FNBP4: variants seen among roughly 807,000 people sequenced by gnomAD.
The protein encoded by FNBP4 is formin binding protein 4, also known as formin-binding protein 4.
A neutral mutation model predicts 119.3 loss-of-function variants in FNBP4; 34 were observed. That is an observed-to-expected ratio of 0.28 (90% CI 0.22 to 0.38). The LOEUF is 0.38. FNBP4 is among the 10% of genes least tolerant of loss of function. FNBP4 has a pLI of 1.00. For missense variants in FNBP4, 1,112 were observed against 1,228.9 expected, an observed-to-expected ratio of 0.90 and a Z score of 1.42; for synonymous variants, 462 against 430.6, an observed-to-expected ratio of 1.07 and a Z score of -0.90.
intron 6 of FNBP4, among the ~76,000 whole-genome samples, chr11:47,748,270 AAAAAT>A (rs939568020): frequency 2.5e-4 from 38 of 151,630 alleles, no homozygotes; most frequent in African/African-American, 7.0e-4. Flanking sequence ...AATAAAAAAT[AAAAAT>A]AAAATAAAAT....
At chr11:47,722,352 G>C (rs1384325974) in intron 15 of FNBP4, among the ~76,000 whole-genome samples, 1 of 151,422 alleles carries the variant, frequency 6.6e-6, no homozygotes, top group Admixed American at 6.6e-5. Flanking sequence ...AGGTTCAAGC[G>C]ACTCTCCCGC....
At chr11:47,742,588 C>A (rs928849120) in intron 8 of FNBP4, among the ~76,000 whole-genome samples, 2 of 147,882 alleles carry the variant, frequency 1.4e-5, no homozygotes, top group Non-Finnish European at 3.0e-5. Context: ...GAACTGCCAA[C>A]TGAAAAGAAA....
chr11:47,759,267 A>C (rs1479918108), intron 2 of FNBP4, among the ~76,000 whole-genome samples: 6 of 151,192 alleles, frequency 4.0e-5, no homozygotes, highest in Non-Finnish European at 8.8e-5. Context: ...GCTGGAGTGC[A>C]ATGGTGCAGT....
intron 12 of FNBP4, chr11:47,730,213 C>G (rs2097565822): frequency 8.1e-6 from 8 of 985,122 alleles, no homozygotes; most frequent in Non-Finnish European, 9.6e-6. Context: ...CAAAAAGAAC[C>G]AATATATTAT....
Position 47,731,423 on chromosome 11 carries a change from G to A in FNBP4, c.1959C>T (p.Asp653=). ...TTGAATTTGAATCAGTGCCAGTTTT[G>A]TCTTTCAAGGTCTGTTTGGCAAGAG... ...DETLAKQTLK[D]KTGTDSNSTE... Residue 653 remains aspartate (D), a synonymous_variant, in exon 12 of 17, where the codon GAC becomes GAT. Transcript: ENST00000263773. 6.2e-7 allele frequency: 1 copy of A among 1,613,724 alleles called. No homozygotes were observed. The highest frequency in any genetic ancestry group is 8.5e-7 in the Non-Finnish European group (1 of 1,179,880).
intron 2 of FNBP4, among the ~76,000 whole-genome samples, chr11:47,757,845 T>C (rs1169736504): frequency 7.1e-6 from 1 of 141,322 alleles, no homozygotes; most frequent in Admixed American, 7.1e-5. Flanking sequence ...ATGTAAGAGA[T>C]ACGGTCTTGC....
At chr11:47,724,828 G>A (rs1301681271) in intron 12 of FNBP4, 50 bp from the exon 13 acceptor site, 1 of 1,515,224 alleles carries the variant, frequency 6.6e-7, no homozygotes, top group Non-Finnish European at 8.8e-7. Flanking sequence ...AAACTCCCTG[G>A]CTTATATTCA....
rs867558119 is a variant in FNBP4 at position 47,750,846 on chromosome 11, C to T, written c.906+70G>A. Reference sequence around the variant, plus strand: ...GACATAAAATATTAAGAGAAGGCTTCCACTCCTGTGCTCAGAGTAACGCTT... The same window carrying T: ...GACATAAAATATTAAGAGAAGGCTTTCACTCCTGTGCTCAGAGTAACGCTT... On this transcript the variant is annotated intron_variant, in intron 6 of 16. Coordinates refer to ENST00000263773, the MANE Select transcript of FNBP4 (RefSeq NM_015308.5). 2.7e-5 allele frequency: 41 copies of T among 1,498,934 alleles called. No homozygotes were observed. The African/African-American group carries it at 4.6e-4, about 17-fold the overall frequency. The allele number at this position is 1,498,934 out of a possible 1,614,324, so 92.9% of individuals were successfully genotyped here. A position where few individuals can be genotyped will look rare whatever the true frequency, so the allele number is the denominator to read the frequency against.
intron 8 of FNBP4, among the ~76,000 whole-genome samples, chr11:47,741,876 T>C (rs911384956): frequency 5.9e-5 from 9 of 152,134 alleles, no homozygotes; most frequent in Non-Finnish European, 1.0e-4. Flanking sequence ...TAATGGACAT[T>C]TGAGTGCTCT....
At chr11:47,734,987 C>G (rs1032018482) in intron 9 of FNBP4, among the ~76,000 whole-genome samples, 8 of 112,350 alleles carry the variant, frequency 7.1e-5, no homozygotes, top group Non-Finnish European at 1.0e-4. Flanking sequence ...CACCCCCCCC[C>G]CCAAAAAAAA....
chr11:47,739,003 CT>C (rs945928037), intron 8 of FNBP4, among the ~76,000 whole-genome samples: 105 of 143,032 alleles, frequency 7.3e-4, no homozygotes, highest in South Asian at 9.0e-4. Context: ...CGGCGCCTGG[CT>C]TTTTTTTTTT....
intron 1 of FNBP4, among the ~76,000 whole-genome samples, chr11:47,766,510 G>A (rs1241881358): frequency 6.6e-6 from 1 of 152,180 alleles, no homozygotes. Flanking sequence ...CCGGCGCCTA[G>A]TCCTGGAGTC....
chr11:47,717,980 C>T (rs1173164196), intron 16 of FNBP4, among the ~76,000 whole-genome samples: 2 of 151,810 alleles, frequency 1.3e-5, no homozygotes, highest in African/African-American at 4.8e-5. Context: ...GTCTCGAACT[C>T]CCAACCTCAG....
At chr11:47,755,038 G>A (rs1347550299) in intron 2 of FNBP4, among the ~76,000 whole-genome samples, 1 of 151,840 alleles carries the variant, frequency 6.6e-6, no homozygotes, top group East Asian at 1.9e-4. Flanking sequence ...AGCTAGTGAG[G>A]CAGGAGAAGT....
intron 15 of FNBP4, among the ~76,000 whole-genome samples, chr11:47,720,901 G>A (rs762085451): frequency 4.6e-5 from 7 of 151,106 alleles, no homozygotes; most frequent in Non-Finnish European, 7.4e-5. Flanking sequence ...CAGGAGAATC[G>A]CTTCAACCCG....
chr11:47,750,851 C>T lies in FNBP4; in HGVS notation c.906+65G>A, dbSNP rs921664335. 1.0e-5 allele frequency: 16 copies of T among 1,546,364 alleles called. No homozygotes were observed. The East Asian group carries it at 2.9e-4, about 28-fold the overall frequency. On this transcript the variant is annotated intron_variant, in intron 6 of 16. Coordinates refer to ENST00000263773, the MANE Select transcript of FNBP4 (RefSeq NM_015308.5). The stretch of plus-strand genomic sequence containing the variant: ...AAAATATTAAGAGAAGGCTTCCACT[C>T]CTGTGCTCAGAGTAACGCTTATTAG...
rs770650464 is a variant in FNBP4, at chr11:47,767,154, G to T, written c.135C>A (p.Val45=). The T allele has an allele frequency of 3.2e-6, 5 of 1,546,792 alleles. No individual in the cohort carries two copies. Among genetic ancestry groups the T allele is most frequent in the South Asian group, 1.2e-5 (1 of 84,490 alleles). ...CCGCCGACGGGGCGGGCTGGCTGGGGACCGCCGCGGTTGAGTCCGGCTCAG... is the reference window on the plus strand; with the variant it reads ...CCGCCGACGGGGCGGGCTGGCTGGGTACCGCCGCGGTTGAGTCCGGCTCAG... ...PDTEPDSTAA[V]PSQPAPSAAT... The change falls in exon 1 of 17, where the codon GTC becomes GTA. Residue 45 remains valine, a synonymous_variant. Coordinates refer to ENST00000263773, the MANE Select transcript of FNBP4 (RefSeq NM_015308.5).
At position 47,752,985 on chromosome 11, in the gene FNBP4, T is replaced by A. The variant is rs1554986340; in HGVS notation, c.568A>T (p.Thr190Ser). ...EAATSTLSSS[T>S]SNGTDSTQTS... ...TGGGTGGAGTCTGTTCCATTTGAAG[T>A]AGAAGAAGAAAGGGTAGATGTTGCT... Residue 190 changes from threonine (T) to serine (S), a missense_variant, in exon 4 of 17, where the codon ACT (threonine) becomes TCT (serine). This residue lies in a region of FNBP4 where 826 missense variants were observed against 988.8 expected (regional missense o/e 0.84). Coordinates refer to ENST00000263773, the MANE Select transcript of FNBP4 (RefSeq NM_015308.5). 1.4e-5 allele frequency: 22 copies of A among 1,613,982 alleles called. No homozygotes were observed. The East Asian group carries it at 1.6e-4, about 11-fold the overall frequency.
intron 15 of FNBP4, among the ~76,000 whole-genome samples, chr11:47,722,311 C>T (rs1179085113): frequency 6.7e-5 from 10 of 150,002 alleles, no homozygotes; most frequent in African/African-American, 2.0e-4. Flanking sequence ...TGCAGTGGTG[C>T]GATCTCAGCT....
Sources: allele counts gnomAD v4.1 joint callset (sites outside exome capture counted in the v4.1 genomes callset), GRCh38; gene constraint gnomAD v4.1.1; regional missense constraint gnomAD v4.1.1; transcripts MANE v1.5; gene names NCBI Gene and HGNC (gene_info 2026-07-23, HGNC 2026-07-21).